Variants in TEX10 observed in about 807,000 individuals in gnomAD.
TEX10 encodes testis expressed 10.
A neutral mutation model predicts 104.4 loss-of-function variants in TEX10; 24 were observed. That is an observed-to-expected ratio of 0.23 (90% CI 0.17 to 0.32). The LOEUF is 0.32. Among genes scored for constraint, TEX10 ranks in the 10% least tolerant of loss-of-function variants. The pLI is 1.00. For missense variants in TEX10, 921 were observed against 1,083.9 expected, an observed-to-expected ratio of 0.85 and a Z score of 2.11; for synonymous variants, 396 against 393.4, an observed-to-expected ratio of 1.01 and a Z score of -0.08.
Position 100,303,816 on chromosome 9 carries a change from G to A in TEX10, c.2492C>T (p.Ser831Phe), listed in dbSNP as rs1834076625. Residue 831 changes from serine (S) to phenylalanine (F), a missense_variant, in exon 14 of 15, where the codon TCC becomes TTC. This residue lies in a region of TEX10 where 753 missense variants were observed against 868.4 expected (regional missense o/e 0.87). Transcript: ENST00000374902. ...KRDKLWGVCV[S>F]ILALLPRVLR... ...GACTCGAGGCAAGAGAGCCAGGATG[G>A]AGACACAGACCCCCCACAGCTTGTC... The A allele has an allele frequency of 6.2e-7, 1 of 1,613,904 alleles. No homozygotes were observed. Among genetic ancestry groups the A allele is most frequent in the Non-Finnish European group, 8.5e-7 (1 of 1,180,018 alleles).
chr9:100,307,594 C>G (rs548117444), intron 13 of TEX10: 1 of 152,156 alleles, frequency 6.6e-6, no homozygotes, highest in South Asian at 2.1e-4. Context: ...AAACCTGATA[C>G]TGTTCACAAA....
At chr9:100,339,080 C>A (rs1587737792) in intron 5 of TEX10, among the ~76,000 whole-genome samples, 1 of 150,302 alleles carries the variant, frequency 6.7e-6, no homozygotes, top group South Asian at 2.1e-4. Context: ...ATGGTGAAAC[C>A]CTGTCTCTAC....
intron 1 of TEX10, among the ~76,000 whole-genome samples, chr9:100,351,985 C>T (rs1835463445): frequency 1.3e-5 from 2 of 150,868 alleles, no homozygotes; most frequent in South Asian, 2.1e-4. Context: ...CCAATAGTTT[C>T]AAAGCTGAAT....
At chr9:100,337,711 G>C (rs961464588) in intron 5 of TEX10, among the ~76,000 whole-genome samples, 1 of 152,132 alleles carries the variant, frequency 6.6e-6, no homozygotes, top group Non-Finnish European at 1.5e-5. Flanking sequence ...AAATCAGACT[G>C]GACCCAGATC....
intron 10 of TEX10, 22 bp from the exon 11 acceptor site, chr9:100,320,420 G>A: frequency 1.3e-6 from 2 of 1,565,236 alleles, no homozygotes; most frequent in Non-Finnish European, 8.6e-7. Context: ...AACAAAGAAA[G>A]CCAATTTAAA....
chr9:100,347,551 T>G, intron 2 of TEX10, 145 bp from the exon 3 acceptor site: 1 of 560,912 alleles, frequency 1.8e-6, no homozygotes, highest in Non-Finnish European at 2.9e-6. Context: ...TATTTAGCTT[T>G]TGTTAGGATC....
intron 9 of TEX10, among the ~76,000 whole-genome samples, chr9:100,324,756 T>C (rs150657561): frequency 6.6e-6 from 1 of 152,176 alleles, no homozygotes; most frequent in Non-Finnish European, 1.5e-5. Flanking sequence ...CAAGGGGTGA[T>C]TTAACGGAAC....
intron 5 of TEX10, among the ~76,000 whole-genome samples, chr9:100,336,018 T>C (rs1402826526): frequency 6.6e-6 from 1 of 151,518 alleles, no homozygotes; most frequent in African/African-American, 2.4e-5. Context: ...ATACAAAAAA[T>C]TAGCCGGGCA....
intron 1 of TEX10, 121 bp from the exon 2 acceptor site, chr9:100,349,493 T>C (rs910888764): frequency 2.8e-5 from 17 of 610,896 alleles, no homozygotes; most frequent in Non-Finnish European, 7.6e-6. Flanking sequence ...AATCTGATTA[T>C]GCTGAAAGAT....
intron 2 of TEX10, among the ~76,000 whole-genome samples, chr9:100,348,780 G>C (rs1338701894): frequency 6.6e-6 from 1 of 152,024 alleles, no homozygotes; most frequent in Non-Finnish European, 1.5e-5. Flanking sequence ...GCATGGTGAC[G>C]CTCGCCTGCA....
rs1374692062 is a variant in TEX10, at chr9:100,346,165, T to C, written c.1044A>G (p.Ile348Met). 2.5e-6 allele frequency: 4 copies of C among 1,614,102 alleles called. No individual in the cohort carries two copies. Among genetic ancestry groups the C allele is most frequent in the East Asian group, 2.2e-5 (1 of 44,868 alleles). Reference sequence around the variant, plus strand: ...GCATAACCTGTAGAGGTTCTCGTTCTATACCATTCCCAACAGGAGTAGCTA... The same window carrying C: ...GCATAACCTGTAGAGGTTCTCGTTCCATACCATTCCCAACAGGAGTAGCTA... ...PQLATPVGNG[I>M]EREPLQVMQQ... Residue 348 changes from isoleucine (I) to methionine (M), a missense_variant, in exon 4 of 15, where the codon ATA becomes ATG. Ile to Met is a conservative substitution (Grantham distance 10). This residue lies in a region of TEX10 where 753 missense variants were observed against 868.4 expected (regional missense o/e 0.87). Coordinates refer to ENST00000374902, the MANE Select transcript of TEX10 (RefSeq NM_017746.4).
chr9:100,323,943 C>G (rs114025036), intron 9 of TEX10, among the ~76,000 whole-genome samples: 142 of 152,218 alleles, frequency 9.3e-4, no homozygotes, highest in Middle Eastern at 3.4e-3. Flanking sequence ...TAAAAGTTGA[C>G]TATTTTATAG....
chr9:100,321,610 G>T, intron 10 of TEX10, 73 bp downstream of exon 10: 1 of 1,245,668 alleles, frequency 8.0e-7, no homozygotes, highest in Non-Finnish European at 1.1e-6. Context: ...TGATAAAATG[G>T]CAAATCTTAG....
intron 1 of TEX10, 69 bp from the exon 2 acceptor site, chr9:100,349,441 C>T: frequency 1.1e-6 from 1 of 929,178 alleles, no homozygotes; most frequent in Admixed American, 3.4e-5. Context: ...AAGGCACTTT[C>T]CAACACATAC....
intron 11 of TEX10, among the ~76,000 whole-genome samples, chr9:100,312,316 T>C (rs958059793): frequency 6.6e-6 from 1 of 151,900 alleles, no homozygotes; most frequent in African/African-American, 2.4e-5. Flanking sequence ...TGGCCCAGAG[T>C]AGACAGCCCG....
chr9:100,352,325 C>T, intron 1 of TEX10: 1 of 1,547,600 alleles, frequency 6.5e-7, no homozygotes, highest in Admixed American at 2.0e-5. Flanking sequence ...GCTCGCTTAA[C>T]TCTCCCGCCT....
chr9:100,326,038 A>G (rs953586495), intron 9 of TEX10, among the ~76,000 whole-genome samples: 1 of 152,190 alleles, frequency 6.6e-6, no homozygotes, highest in African/African-American at 2.4e-5. Context: ...ACCATCACCT[A>G]CCAATAAATC....
intron 9 of TEX10, among the ~76,000 whole-genome samples, chr9:100,326,011 A>C (rs1475422511): frequency 6.6e-6 from 1 of 152,166 alleles, no homozygotes; most frequent in African/African-American, 2.4e-5. Flanking sequence ...CATAACAACA[A>C]AGGTTTGAAG....
intron 11 of TEX10, among the ~76,000 whole-genome samples, chr9:100,311,430 G>A (rs374078732): frequency 6.6e-6 from 1 of 152,098 alleles, no homozygotes; most frequent in East Asian, 1.9e-4. Context: ...AGGACCTGCC[G>A]TGTATGTCAT....
Sources: allele counts gnomAD v4.1 joint callset (sites outside exome capture counted in the v4.1 genomes callset), GRCh38; gene constraint gnomAD v4.1.1; regional missense constraint gnomAD v4.1.1; transcripts MANE v1.5; gene names NCBI Gene and HGNC (gene_info 2026-07-23, HGNC 2026-07-21).